The following ME1 variants were observed in gnomAD, a reference collection of about 807,000 sequenced individuals.
ME1 encodes the protein NADP-dependent malic enzyme.
In ME1, 74 loss-of-function variants were observed where a neutral mutation model predicts 66.4. That is an observed-to-expected ratio of 1.11 (90% CI 0.92 to 1.35). The LOEUF is 1.35. Among genes scored for constraint, ME1 ranks in the 40% most tolerant of loss-of-function variants. ME1 has a pLI of 0.00. For synonymous variants in ME1, 251 were observed against 235.6 expected (o/e 1.07, Z -0.60); for missense variants, 750 against 694.1 (o/e 1.08, Z -0.90).
intron 3 of ME1, among the ~76,000 whole-genome samples, chr6:83,353,371 C>G (rs761474123): frequency 2.0e-5 from 3 of 152,136 alleles, no homozygotes; most frequent in Non-Finnish European, 4.4e-5. Flanking sequence ...CCAATTGTAT[C>G]ATTCATTATG....
At chr6:83,384,453 T>G (rs1271219635) in intron 3 of ME1, among the ~76,000 whole-genome samples, 1 of 151,770 alleles carries the variant, frequency 6.6e-6, no homozygotes, top group Non-Finnish European at 1.5e-5. Context: ...TGTCTTCTTT[T>G]GAGAAGTGTC....
chr6:83,326,223 C>T (rs1768288382), intron 5 of ME1, among the ~76,000 whole-genome samples: 1 of 152,132 alleles, frequency 6.6e-6, no homozygotes, highest in African/African-American at 2.4e-5. Flanking sequence ...TTCCTTACAA[C>T]TTATACAAAA....
intron 6 of ME1, among the ~76,000 whole-genome samples, chr6:83,294,595 G>A (rs1767560728): frequency 6.6e-6 from 1 of 152,158 alleles, no homozygotes; most frequent in Non-Finnish European, 1.5e-5. Flanking sequence ...TGGACGTGGA[G>A]AACCCAGGGG....
intron 9 of ME1, among the ~76,000 whole-genome samples, chr6:83,234,444 A>ATG (rs1269849676): frequency 1.3e-5 from 2 of 151,976 alleles, no homozygotes; most frequent in Non-Finnish European, 2.9e-5. Flanking sequence ...TAAACTTTCT[A>ATG]TGTGTGAAAC....
chr6:83,219,891 T>C (rs1790056223), intron 12 of ME1, among the ~76,000 whole-genome samples: 1 of 151,962 alleles, frequency 6.6e-6, no homozygotes, highest in African/African-American at 2.4e-5. Flanking sequence ...TCTGGCCAGC[T>C]ATTTTGTTTT....
intron 5 of ME1, among the ~76,000 whole-genome samples, chr6:83,316,538 A>G (rs1768033275): frequency 6.6e-6 from 1 of 152,066 alleles, no homozygotes; most frequent in African/African-American, 2.4e-5. Flanking sequence ...TACCTTCATC[A>G]CTTCTACTCT....
At chr6:83,268,422 C>T (rs1286248701) in intron 6 of ME1, among the ~76,000 whole-genome samples, 3 of 152,048 alleles carry the variant, frequency 2.0e-5, no homozygotes, top group Admixed American at 1.3e-4. Context: ...AGGGTAAGTT[C>T]CGATAAATGT....
At chr6:83,232,925 CAAAAT>C (rs1790331702) in intron 9 of ME1, among the ~76,000 whole-genome samples, 2 of 151,946 alleles carry the variant, frequency 1.3e-5, no homozygotes, top group Non-Finnish European at 2.9e-5. Context: ...TAAAACAAAA[CAAAAT>C]AAAATAAAAA....
intron 1 of ME1, among the ~76,000 whole-genome samples, chr6:83,430,474 G>A (rs1337845762): frequency 1.3e-5 from 2 of 152,228 alleles, no homozygotes; most frequent in Non-Finnish European, 2.9e-5. Flanking sequence ...CACTGTGTGT[G>A]CAACCAGTAA....
At chr6:83,218,224 C>A (rs1387164357) in intron 12 of ME1, among the ~76,000 whole-genome samples, 2 of 152,204 alleles carry the variant, frequency 1.3e-5, no homozygotes, top group African/African-American at 2.4e-5. Context: ...ATCAGCCCTG[C>A]CAACCCCACA....
At chr6:83,420,903 GTTTTTGTTTTTTGTT>G (rs1770251753) in intron 1 of ME1, among the ~76,000 whole-genome samples, 1 of 151,848 alleles carries the variant, frequency 6.6e-6, no homozygotes, top group South Asian at 2.1e-4. Context: ...TGTTGTTTTT[GTTTTTGTTTTTTGTT>G]TTTTTGTTTT....
intron 6 of ME1, among the ~76,000 whole-genome samples, chr6:83,263,813 CATAACATAACATAACATAACATAACAT>C (rs1766941349): frequency 9.0e-6 from 1 of 111,566 alleles, no homozygotes; most frequent in Admixed American, 8.4e-5. Context: ...CATAACATAA[CATAACATAACATAACATAACATAACAT>C]AACCTGCAAG....
At chr6:83,224,355 A>G (rs1284022474) in intron 11 of ME1, among the ~76,000 whole-genome samples, 1 of 152,174 alleles carries the variant, frequency 6.6e-6, no homozygotes, top group Non-Finnish European at 1.5e-5. Context: ...TCCAAAATAA[A>G]AACTGGGAAA....
In ME1 at chr6:83,227,385, G is replaced by T. The variant is rs1790217078; in HGVS notation, c.1225C>A (p.Pro409Thr). 6.2e-7 allele frequency: 1 copy of T among 1,604,608 alleles called. No homozygotes were observed. Residue 409 changes from proline to threonine, a missense_variant, in exon 11 of 14, where the codon CCA (proline) becomes ACA (threonine). Pro to Thr is a conservative substitution (Grantham distance 38, BLOSUM62 -1). Transcript: ENST00000369705. ...GCAGAACATTCTGCTTTGCTAGTTG[G>T]ATTACTCAAAGCAAAAATAATAGGC... ...ERPIIFALSN[P>T]TSKAECSAEQ...
chr6:83,272,632 C>T (rs7770089), intron 6 of ME1, among the ~76,000 whole-genome samples: 10,743 of 152,122 alleles, frequency 0.071, 467 homozygotes, highest in Admixed American at 0.097. Flanking sequence ...AAAGGCAATG[C>T]AGTCAGCTAC....
At chr6:83,313,063 T>G (rs1040341352) in intron 6 of ME1, among the ~76,000 whole-genome samples, 2 of 152,296 alleles carry the variant, frequency 1.3e-5, no homozygotes, top group East Asian at 3.9e-4. Context: ...GGCCCAAGGG[T>G]ACTCCTTAAT....
At chr6:83,217,856 G>A (rs1297784479) in intron 12 of ME1, among the ~76,000 whole-genome samples, 11 of 152,154 alleles carry the variant, frequency 7.2e-5, no homozygotes, top group Admixed American at 3.3e-4. Flanking sequence ...CATTATCAAT[G>A]TCAAAAAAGG....
At chr6:83,351,579 T>C (rs147155834) in intron 4 of ME1, among the ~76,000 whole-genome samples, 139 of 152,318 alleles carry the variant, frequency 9.1e-4, no homozygotes, top group Middle Eastern at 3.4e-3. Flanking sequence ...AGTTAATCCA[T>C]GTAAAAAGTC....
At chr6:83,425,078 A>T in intron 1 of ME1, among the ~76,000 whole-genome samples, 1 of 152,130 alleles carries the variant, frequency 6.6e-6, no homozygotes, top group East Asian at 1.9e-4. Flanking sequence ...AGTGGGTGTG[A>T]TCATGGCTCA....
Sources: allele counts gnomAD v4.1 joint callset (sites outside exome capture counted in the v4.1 genomes callset), GRCh38; gene constraint gnomAD v4.1.1; transcripts MANE v1.5; gene names NCBI Gene and HGNC (gene_info 2026-07-23, HGNC 2026-07-21).